Variants in CD99L2 observed in about 807,000 individuals in gnomAD.
The protein encoded by CD99L2 is CD99 antigen-like protein 2.
CD99L2 carries 24 observed loss-of-function variants against 27.3 expected under a neutral mutation model. The observed-to-expected ratio is 0.88, with a 90% CI of 0.64 to 1.24. The LOEUF (loss-of-function observed/expected upper bound fraction) is 1.24. Ranked by LOEUF, CD99L2 falls within the 50% of genes most tolerant of loss-of-function variation. The probability of loss-of-function intolerance (pLI) is 0.00; values close to 1 mark genes in which losing one functional copy is unlikely to be tolerated. For synonymous variants in CD99L2, 97 were observed against 87.9 expected, an observed-to-expected ratio of 1.10 and a Z score of -0.58; for missense variants, 255 against 221.6, an observed-to-expected ratio of 1.15 and a Z score of -0.96.
chrX:150,808,556 C>A (rs1557420301), intron 4 of CD99L2, among the ~76,000 whole-genome samples: 2 of 112,011 alleles, frequency 1.8e-5, no homozygotes, highest in African/African-American at 3.2e-5. Flanking sequence ...AAAATTCCCA[C>A]CCCCAAGGTA....
intron 2 of CD99L2, chrX:150,828,319 CTG>C (rs2046393587): frequency 9.0e-6 from 1 of 111,586 alleles, no homozygotes; most frequent in Non-Finnish European, 1.9e-5. Context: ...GTTCCAAGGA[CTG>C]TGCTGAGTGC....
intron 2 of CD99L2, among the ~76,000 whole-genome samples, chrX:150,824,005 G>A (rs1008739115): frequency 1.5e-4 from 15 of 101,843 alleles, no homozygotes; most frequent in Admixed American, 7.5e-4. Flanking sequence ...AGAAGAAGAA[G>A]AGGAGGAGGA....
chrX:150,776,231 C>T lies in CD99L2; in HGVS notation c.598G>A (p.Gly200Ser), dbSNP rs782387996. Residue 200 changes from glycine to serine, a missense_variant, in exon 9 of 11, where the codon GGT becomes AGT. Physicochemically the swap from Gly to Ser is moderately conservative, Grantham distance 56. Coordinates refer to ENST00000370377, the MANE Select transcript of CD99L2 (RefSeq NM_031462.4). ...VASALAMALI[G>S]AVSSYISYQQ... ...TAGGAGATGTAGCTGGAGACGGCAC[C>T]GATGAGGGCCATGGCCAGGGCGCTG... 47 of 1,209,927 alleles carry T rather than the reference C, an allele frequency of 3.9e-5. No individual in the cohort carries two copies. The highest frequency in any genetic ancestry group is 1.4e-4 in the South Asian group (8 of 56,797).
chrX:150,880,572 AG>A (rs1185818018), intron 1 of CD99L2, among the ~76,000 whole-genome samples: 2 of 111,734 alleles, frequency 1.8e-5, no homozygotes, highest in Non-Finnish European at 3.8e-5. Context: ...GGGGCTGGTA[AG>A]GGGTTTCTTT....
At chrX:150,876,909 A>G (rs931162531) in intron 1 of CD99L2, among the ~76,000 whole-genome samples, 2 of 111,870 alleles carry the variant, frequency 1.8e-5, no homozygotes, top group African/African-American at 6.5e-5. Flanking sequence ...AAAACTGCCC[A>G]TTTCTTTTAG....
chrX:150,864,347 T>C (rs2047027439), intron 1 of CD99L2, among the ~76,000 whole-genome samples: 1 of 112,630 alleles, frequency 8.9e-6, no homozygotes, highest in Non-Finnish European at 1.9e-5. Context: ...ACTGCAGATA[T>C]GCAACCTTTA....
At chrX:150,811,728 C>T (rs1205126980) in intron 4 of CD99L2, among the ~76,000 whole-genome samples, 2 of 111,702 alleles carry the variant, frequency 1.8e-5, no homozygotes, top group East Asian at 5.6e-4. Context: ...AACAATTCAA[C>T]GGGCAGATAG....
At chrX:150,887,494 A>ATAAAT (rs2047433149) in intron 1 of CD99L2, among the ~76,000 whole-genome samples, 1 of 107,018 alleles carries the variant, frequency 9.3e-6, no homozygotes, top group Non-Finnish European at 1.9e-5. Flanking sequence ...ATAAAATAAA[A>ATAAAT]AAATAAAGCT....
At chrX:150,771,685 T>C in intron 9 of CD99L2, 2 of 827,326 alleles carry the variant, frequency 2.4e-6, no homozygotes, top group Non-Finnish European at 3.5e-6. Context: ...TACAGCCACG[T>C]CGGTGAGTGC....
chrX:150,787,214 G>A (rs1158531099), intron 7 of CD99L2, among the ~76,000 whole-genome samples: 2 of 111,934 alleles, frequency 1.8e-5, no homozygotes, highest in African/African-American at 6.5e-5. Context: ...AAGCTCTTTA[G>A]TTTGATGAGG....
intron 2 of CD99L2, chrX:150,828,434 G>T (rs1226658275): frequency 9.0e-6 from 1 of 111,659 alleles, no homozygotes; most frequent in Non-Finnish European, 1.9e-5. Flanking sequence ...AGACAAGTCA[G>T]GTGACTTACC....
intron 7 of CD99L2, among the ~76,000 whole-genome samples, chrX:150,788,364 T>A (rs1557419625): frequency 9.0e-6 from 1 of 111,193 alleles, no homozygotes; most frequent in African/African-American, 3.3e-5. Context: ...AACAGAGGAA[T>A]GACAGGGTCA....
intron 7 of CD99L2, 140 bp from the exon 8 acceptor site, chrX:150,777,622 G>A: frequency 1.7e-6 from 1 of 601,920 alleles, no homozygotes; most frequent in Non-Finnish European, 2.6e-6. Context: ...TCACCCGTAG[G>A]CTTCTACTGG....
At chrX:150,854,838 C>T in intron 1 of CD99L2, among the ~76,000 whole-genome samples, 1 of 111,151 alleles carries the variant, frequency 9.0e-6, no homozygotes, top group Non-Finnish European at 1.9e-5. Context: ...GATTATGTGG[C>T]ATTTCATGAC....
At chrX:150,847,349 C>T (rs1222832341) in intron 1 of CD99L2, among the ~76,000 whole-genome samples, 1 of 111,668 alleles carries the variant, frequency 9.0e-6, no homozygotes, top group African/African-American at 3.3e-5. Context: ...ATTTTGGGTC[C>T]CTTGGATTTC....
chrX:150,780,494 G>A (rs781790563), intron 7 of CD99L2, among the ~76,000 whole-genome samples: 6 of 111,950 alleles, frequency 5.4e-5, no homozygotes, highest in Non-Finnish European at 9.4e-5. Context: ...ATAAAAATGT[G>A]CACACACATG....
chrX:150,834,022 T>C (rs1314058277), intron 1 of CD99L2, among the ~76,000 whole-genome samples: 2 of 111,696 alleles, frequency 1.8e-5, no homozygotes, highest in South Asian at 7.4e-4. Flanking sequence ...AAACCATACA[T>C]CTGAAAAGGG....
At chrX:150,776,135 C>A (rs1557419251) in intron 9 of CD99L2, 39 bp downstream of exon 9, 1 of 1,201,750 alleles carries the variant, frequency 8.3e-7, no homozygotes. Context: ...AAAGACCTTG[C>A]CAGCTGGTTC....
intron 1 of CD99L2, among the ~76,000 whole-genome samples, chrX:150,891,804 C>A (rs2047516517): frequency 1.0e-5 from 1 of 98,853 alleles, no homozygotes; most frequent in African/African-American, 3.6e-5. Flanking sequence ...CCAACATTCA[C>A]CAGTCATGGA....
Sources: allele counts gnomAD v4.1 joint callset (sites outside exome capture counted in the v4.1 genomes callset), GRCh38; gene constraint gnomAD v4.1.1; transcripts MANE v1.5; gene names NCBI Gene and HGNC (gene_info 2026-07-23, HGNC 2026-07-21).